Variants in PRKCE observed in about 807,000 individuals in gnomAD.
The protein encoded by PRKCE is protein kinase C epsilon type.
Under a neutral mutation model 85.4 loss-of-function variants are expected in PRKCE, and 16 were observed. The observed-to-expected ratio is 0.19, with a 90% CI of 0.13 to 0.28. The LOEUF is 0.28. Among genes scored for constraint, PRKCE ranks in the 10% least tolerant of loss-of-function variants. The probability of loss-of-function intolerance (pLI) is 1.00; values close to 1 mark genes in which losing one functional copy is unlikely to be tolerated. For missense variants in PRKCE, 573 were observed against 975.2 expected (o/e 0.59, Z 5.49); for synonymous variants, 388 against 371.5 (o/e 1.04, Z -0.51).
At chr2:45,930,954 G>T (rs187577936) in intron 2 of PRKCE, among the ~76,000 whole-genome samples, 45 of 152,272 alleles carry the variant, frequency 3.0e-4, no homozygotes, top group African/African-American at 1.0e-3. Context: ...CCCTAATGGC[G>T]TGCTGCTGTT....
intron 11 of PRKCE, among the ~76,000 whole-genome samples, chr2:46,112,496 T>C (rs1574499537): frequency 1.5e-5 from 1 of 68,220 alleles, no homozygotes; most frequent in South Asian, 9.3e-4. Context: ...TTTTTGGTTT[T>C]TTTTTTGTTT....
At chr2:46,153,304 G>A (rs761679116) in intron 13 of PRKCE, among the ~76,000 whole-genome samples, 2 of 152,192 alleles carry the variant, frequency 1.3e-5, no homozygotes, top group Admixed American at 6.5e-5. Context: ...TGAGCATCTA[G>A]TAAAGACTAT....
intron 1 of PRKCE, among the ~76,000 whole-genome samples, chr2:45,804,170 A>G (rs1008171413): frequency 1.3e-5 from 2 of 152,224 alleles, no homozygotes; most frequent in African/African-American, 4.8e-5. Flanking sequence ...CTTTATGATG[A>G]TGCCACAGCC....
chr2:46,028,082 C>T (rs1427731123), intron 10 of PRKCE, among the ~76,000 whole-genome samples: 1 of 152,100 alleles, frequency 6.6e-6, no homozygotes, highest in Non-Finnish European at 1.5e-5. Flanking sequence ...GCTGGGATTA[C>T]AGGCTCCCAC....
intron 2 of PRKCE, among the ~76,000 whole-genome samples, chr2:45,845,061 CT>C (rs531961588): frequency 0.02 from 2,687 of 137,226 alleles, 38 homozygotes; most frequent in African/African-American, 0.034. Flanking sequence ...CATTTTTCTA[CT>C]TTTTTTTTTT....
chr2:46,141,441 G>C (rs1056625136), intron 11 of PRKCE, among the ~76,000 whole-genome samples: 1 of 152,178 alleles, frequency 6.6e-6, no homozygotes, highest in Non-Finnish European at 1.5e-5. Context: ...TGTAAAGTAT[G>C]ATCAAGAGAA....
chr2:45,851,483 A>G (rs1004637284), intron 2 of PRKCE, among the ~76,000 whole-genome samples: 2 of 152,166 alleles, frequency 1.3e-5, no homozygotes, highest in African/African-American at 2.4e-5. Flanking sequence ...CAGGTTGTCT[A>G]TGCAAGGATA....
At chr2:45,702,957 T>C (rs562288712) in intron 1 of PRKCE, among the ~76,000 whole-genome samples, 1 of 152,230 alleles carries the variant, frequency 6.6e-6, no homozygotes, top group Admixed American at 6.5e-5. Context: ...GCTAAGGCCA[T>C]AGCTAACAGC....
chr2:45,870,887 A>G (rs963413849), intron 2 of PRKCE, among the ~76,000 whole-genome samples: 5 of 152,188 alleles, frequency 3.3e-5, no homozygotes, highest in African/African-American at 1.2e-4. Context: ...AAGACACTAG[A>G]TGTTTGGAGG....
intron 10 of PRKCE, among the ~76,000 whole-genome samples, chr2:46,048,502 C>G (rs1708662540): frequency 6.6e-6 from 1 of 152,204 alleles, no homozygotes; most frequent in African/African-American, 2.4e-5. Flanking sequence ...CCAGTGCCTC[C>G]TACCGAGCAG....
chr2:46,004,538 C>T lies in PRKCE; in HGVS notation c.967-4C>T, dbSNP rs1409178153. ...CCTCTGTCCCTGCTTTCTCTCCTCT[C>T]TAGCTCATTGCTGGTGCCGAGTCCC... On this transcript the variant is annotated splice_polypyrimidine_tract_variant and splice_region_variant and intron_variant, in intron 7 of 14. Transcript: ENST00000306156. The surrounding 1 kb of genome is among the most constrained non-coding windows in gnomAD (Gnocchi z 4.1). 1 of 1,574,788 alleles carries T rather than the reference C, an allele frequency of 6.4e-7. No homozygotes were observed. The highest frequency in any genetic ancestry group is 8.6e-7 in the Non-Finnish European group (1 of 1,166,726).
At chr2:45,946,233 T>C (rs189020057) in intron 2 of PRKCE, among the ~76,000 whole-genome samples, 90 of 152,350 alleles carry the variant, frequency 5.9e-4, no homozygotes, top group Admixed American at 3.3e-3. Flanking sequence ...GATAAGATTG[T>C]GGTGGTTTGT....
intron 2 of PRKCE, among the ~76,000 whole-genome samples, chr2:45,968,735 G>T (rs2711303): frequency 0.81 from 123,045 of 151,994 alleles, 50,365 homozygotes; most frequent in East Asian, 0.97. Flanking sequence ...CATGAGGAGG[G>T]CGTTCAGTTT....
chr2:45,719,876 G>A (rs1680470443), intron 1 of PRKCE, among the ~76,000 whole-genome samples: 1 of 152,118 alleles, frequency 6.6e-6, no homozygotes, highest in Non-Finnish European at 1.5e-5. Context: ...AGTGAGCTAT[G>A]ATCTAGCCAC....
At chr2:45,887,971 CA>C (rs1695422961) in intron 2 of PRKCE, among the ~76,000 whole-genome samples, 1 of 152,204 alleles carries the variant, frequency 6.6e-6, no homozygotes, top group Non-Finnish European at 1.5e-5. Flanking sequence ...GAGAGGTGGG[CA>C]CACTAGAAGG....
At chr2:46,019,847 C>CTTTTTTTTT (rs869079304) in intron 10 of PRKCE, among the ~76,000 whole-genome samples, 4 of 105,914 alleles carry the variant, frequency 3.8e-5, no homozygotes, top group African/African-American at 1.2e-4. Flanking sequence ...TTGGTTTTCT[C>CTTTTTTTTT]TTTTTTTTTT....
chr2:46,005,866 T>C (rs1705148324), intron 8 of PRKCE, among the ~76,000 whole-genome samples: 1 of 152,216 alleles, frequency 6.6e-6, no homozygotes, highest in Non-Finnish European at 1.5e-5. Context: ...GCAGAACTTG[T>C]AGCTATTTTC....
chr2:45,756,796 T>A lies in PRKCE; in HGVS notation c.349-86204T>A, dbSNP rs140721712. ...ATCTATAAGATAGGAAGTAAAACAG[T>A]GGTTGCCTCAGGATGGAGGTTGTGT... On this transcript the variant is annotated intron_variant, in intron 1 of 14. Transcript: ENST00000306156. Among the ~76,000 whole-genome samples the A allele has an allele frequency of 3.4e-4, 51 of 152,236 alleles. 2 individuals are homozygous for A. In the East Asian group the frequency reaches 9.8e-3, roughly 29 times the overall value.
chr2:45,782,675 C>G (rs1222801031), intron 1 of PRKCE, among the ~76,000 whole-genome samples: 1 of 152,148 alleles, frequency 6.6e-6, no homozygotes, highest in African/African-American at 2.4e-5. Context: ...GAACTGTCCA[C>G]TTTTCTTCCT....
Sources: allele counts gnomAD v4.1 joint callset (sites outside exome capture counted in the v4.1 genomes callset), GRCh38; gene constraint gnomAD v4.1.1; non-coding constraint Gnocchi (gnomAD v3.1); transcripts MANE v1.5; gene names NCBI Gene and HGNC (gene_info 2026-07-23, HGNC 2026-07-21).